HSPA6: variants seen among roughly 807,000 people sequenced by gnomAD.
The protein encoded by HSPA6 is heat shock protein family A (Hsp70) member 6, also known as heat shock 70 kDa protein 6.
For synonymous variants in HSPA6, 312 were observed against 368.2 expected, an observed-to-expected ratio of 0.85 and a Z score of 1.75; for missense variants, 718 against 860.9, an observed-to-expected ratio of 0.83 and a Z score of 2.08.
In HSPA6 at chr1:161,524,943, G is replaced by A. The variant is rs1292154351; in HGVS notation, c.285G>A (p.Arg95=). The A allele has an allele frequency of 1.2e-6, 2 of 1,613,586 alleles. No individual in the cohort carries two copies. The highest frequency in any genetic ancestry group is 3.3e-5 in the Admixed American group (2 of 59,994). ...VQSDMKHWPF[R]VVSEGGKPKV... ...CGGACATGAAGCACTGGCCCTTCCGGGTGGTGAGCGAGGGCGGCAAGCCCA... is the reference window on the plus strand; with the variant it reads ...CGGACATGAAGCACTGGCCCTTCCGAGTGGTGAGCGAGGGCGGCAAGCCCA... The change falls in exon 1 of 1, where the codon CGG becomes CGA. Residue 95 remains arginine, a synonymous_variant. Coordinates refer to ENST00000309758, the MANE Select transcript of HSPA6 (RefSeq NM_002155.5).
Position 161,524,768 on chromosome 1 carries a change from A to G in HSPA6, c.110A>G (p.Asn37Ser), listed in dbSNP as rs766366684. The G allele has an allele frequency of 3.2e-6, 5 of 1,552,128 alleles. No homozygotes were observed. The Admixed American group carries it at 5.6e-5, about 17-fold the overall frequency. The part of the protein sequence containing the change: ...RVEILANDQG[N>S]RTTPSYVAFT... The stretch of plus-strand genomic sequence containing the variant: ...GAGATCCTGGCCAACGACCAGGGCA[A>G]CCGCACCACGCCCAGCTACGTGGCC... The change falls in exon 1 of 1, where the codon AAC becomes AGC. Residue 37 changes from asparagine (N) to serine (S), a missense_variant. Physicochemically the swap from Asn to Ser is conservative, Grantham distance 46 (BLOSUM62 1). Coordinates refer to ENST00000309758, the MANE Select transcript of HSPA6 (RefSeq NM_002155.5).
Position 161,524,716 on chromosome 1 carries a change from G to C in HSPA6, c.58G>C (p.Val20Leu), listed in dbSNP as rs1462482521. ...GIDLGTTYSCVGVFQQGRVEI... is the reference protein window; with the variant it reads ...GIDLGTTYSCLGVFQQGRVEI... The stretch of plus-strand genomic sequence containing the variant: ...CGACCTGGGCACCACCTACTCGTGC[G>C]TGGGCGTGTTTCAGCAGGGCCGCGT... Residue 20 changes from valine (V) to leucine (L), a missense_variant, in exon 1 of 1, where the codon GTG becomes CTG. Val to Leu is a conservative substitution (Grantham distance 32, BLOSUM62 1). Transcript: ENST00000309758. The C allele has an allele frequency of 7.0e-7, 1 of 1,433,598 alleles. No homozygotes were observed. The highest frequency in any genetic ancestry group is 9.5e-7 in the Non-Finnish European group (1 of 1,047,526). The allele number at this position is 1,433,598 out of a possible 1,614,324, so 88.8% of individuals were successfully genotyped here.
In HSPA6 at chr1:161,526,557, C is replaced by T. The variant is rs1336922401; in HGVS notation, c.1899C>T (p.Pro633=). Residue 633 remains proline (P), a synonymous_variant, in exon 1 of 1, where the codon CCC becomes CCT. Transcript: ENST00000309758. ...GCACTCAAGCCCGCCAGGGGGACCCCAGCACCGGCCCCATCATTGAGGAGG... is the reference window on the plus strand; with the variant it reads ...GCACTCAAGCCCGCCAGGGGGACCCTAGCACCGGCCCCATCATTGAGGAGG... The part of the protein sequence containing the change: ...SCGTQARQGD[P]STGPIIEEVD 1.3e-6 allele frequency: 2 copies of T among 1,564,160 alleles called. No homozygotes were observed. The highest frequency in any genetic ancestry group is 1.2e-5 in the South Asian group (1 of 84,004).
rs772062602 is a variant in HSPA6, at chr1:161,524,998, A to G, written c.340A>G (p.Lys114Glu). 2 of 1,613,218 alleles carry G rather than the reference A, an allele frequency of 1.2e-6. No individual in the cohort carries two copies. The highest frequency in any genetic ancestry group is 1.7e-6 in the Non-Finnish European group (2 of 1,179,834). ...GCGCGTATGCTACCGCGGGGAGGAC[A>G]AGACGTTCTACCCCGAGGAGATCTC... The part of the protein sequence containing the change: ...KVRVCYRGED[K>E]TFYPEEISSM... The change falls in exon 1 of 1, where the codon AAG (lysine) becomes GAG (glutamate). Residue 114 changes from lysine to glutamate, a missense_variant. Physicochemically the swap from Lys to Glu is moderately conservative, Grantham distance 56. Transcript: ENST00000309758.
chr1:161,525,320 T>C lies in HSPA6; in HGVS notation c.662T>C (p.Val221Ala). Residue 221 changes from valine (V) to alanine (A), a missense_variant, in exon 1 of 1, where the codon GTG becomes GCG. Coordinates refer to ENST00000309758, the MANE Select transcript of HSPA6 (RefSeq NM_002155.5). ...VLSIDAGVFEVKATAGDTHLG... is the reference protein window; with the variant it reads ...VLSIDAGVFEAKATAGDTHLG... ...TCCATTGACGCTGGTGTCTTTGAGG[T>C]GAAAGCCACTGCTGGAGATACCCAC... The C allele has an allele frequency of 6.2e-7, 1 of 1,613,884 alleles. No homozygotes were observed. The highest frequency in any genetic ancestry group is 8.5e-7 in the Non-Finnish European group (1 of 1,179,926).
rs1557844532 is a variant in HSPA6 at position 161,526,152 on chromosome 1, T to G, written c.1494T>G (p.Gly498=). 2.5e-6 allele frequency: 4 copies of G among 1,613,624 alleles called. No individual in the cohort carries two copies. Among genetic ancestry groups the G allele is most frequent in the Non-Finnish European group, 3.4e-6 (4 of 1,179,822 alleles). ...TGACAGCCACTGACAGGAGCACAGGTAAGGCTAACAAGATCACCATCACCA... is the reference window on the plus strand; with the variant it reads ...TGACAGCCACTGACAGGAGCACAGGGAAGGCTAACAAGATCACCATCACCA... ...LSVTATDRST[G]KANKITITND... Residue 498 remains glycine, a synonymous_variant, in exon 1 of 1, where the codon GGT becomes GGG. Coordinates refer to ENST00000309758, the MANE Select transcript of HSPA6 (RefSeq NM_002155.5).
rs764835459 is a variant in HSPA6 at position 161,524,962 on chromosome 1, A to T, written c.304A>T (p.Lys102Ter). The T allele has an allele frequency of 1.9e-6, 3 of 1,613,602 alleles. No individual in the cohort carries two copies. The Admixed American group carries it at 5.0e-5, about 27-fold the overall frequency. Residue 102 changes from lysine to a stop codon, truncating the protein, a stop_gained, in exon 1 of 1, where the codon AAG becomes TAG. Coordinates refer to ENST00000309758, the MANE Select transcript of HSPA6 (RefSeq NM_002155.5). LOFTEE classifies it low-confidence loss of function (END_TRUNC). ...CTTCCGGGTGGTGAGCGAGGGCGGC[A>T]AGCCCAAGGTGCGCGTATGCTACCG... Reference protein sequence around the residue: ...WPFRVVSEGGKPKVRVCYRGE... With the variant: ...WPFRVVSEGG
Position 161,525,613 on chromosome 1 carries a change from G to T in HSPA6, c.955G>T (p.Val319Leu). 1 of 1,613,782 alleles carries T rather than the reference G, an allele frequency of 6.2e-7. No individual in the cohort carries two copies. The highest frequency in any genetic ancestry group is 8.5e-7 in the Non-Finnish European group (1 of 1,179,842). ...CCTCTTCCGCAGCACCCTGGAGCCG[G>T]TGGAGAAGGCCCTGCGGGATGCCAA... ...SDLFRSTLEP[V>L]EKALRDAKLD... Residue 319 changes from valine (V) to leucine (L), a missense_variant, in exon 1 of 1, where the codon GTG becomes TTG. Val to Leu is a conservative substitution (Grantham distance 32). Coordinates refer to ENST00000309758, the MANE Select transcript of HSPA6 (RefSeq NM_002155.5).
chr1:161,526,078 C>T lies in HSPA6; in HGVS notation c.1420C>T (p.Pro474Ser). 6.2e-7 allele frequency: 1 copy of T among 1,613,804 alleles called. No individual in the cohort carries two copies. The highest frequency in any genetic ancestry group is 8.5e-7 in the Non-Finnish European group (1 of 1,179,874). The change falls in exon 1 of 1, where the codon CCC (proline) becomes TCC (serine). Residue 474 changes from proline to serine, a missense_variant. Pro to Ser is a moderately conservative substitution (Grantham distance 74, BLOSUM62 -1). Coordinates refer to ENST00000309758, the MANE Select transcript of HSPA6 (RefSeq NM_002155.5). ...CATCCCTCCTGCCCCACGTGGAGTC[C>T]CCCAGATAGAGGTGACTTTTGACAT... Reference protein sequence around the residue: ...SGIPPAPRGVPQIEVTFDIDA... With the variant: ...SGIPPAPRGVSQIEVTFDIDA...
chr1:161,525,402 G>A lies in HSPA6; in HGVS notation c.744G>A (p.Arg248=). Residue 248 remains arginine (R), a synonymous_variant, in exon 1 of 1, where the codon CGG becomes CGA. Coordinates refer to ENST00000309758, the MANE Select transcript of HSPA6 (RefSeq NM_002155.5). The part of the protein sequence containing the change: ...RLVNHFMEEF[R]RKHGKDLSGN... ...TGAACCACTTCATGGAAGAATTCCG[G>A]CGGAAGCATGGGAAGGACCTGAGCG... The A allele has an allele frequency of 1.9e-6, 3 of 1,610,584 alleles. No homozygotes were observed. The highest frequency in any genetic ancestry group is 2.5e-6 in the Non-Finnish European group (3 of 1,178,272).
At position 161,525,346 on chromosome 1, in the gene HSPA6, C is replaced by G. The variant is rs368300598; in HGVS notation, c.688C>G (p.Leu230Val). The change falls in exon 1 of 1, where the codon CTG becomes GTG. Residue 230 changes from leucine (L) to valine (V), a missense_variant. By Grantham distance (32) the Leu-to-Val change is conservative. Transcript: ENST00000309758. ...GAAAGCCACTGCTGGAGATACCCAC[C>G]TGGGAGGAGAGGACTTCGACAACCG... ...EVKATAGDTH[L>V]GGEDFDNRLV... The G allele has an allele frequency of 4.2e-5, 67 of 1,613,736 alleles. 2 individuals are homozygous for G. In the Middle Eastern group the frequency reaches 6.6e-4, roughly 16 times the overall value.
Position 161,525,912 on chromosome 1 carries a change from G to C in HSPA6, c.1254G>C (p.Arg418Ser). Residue 418 changes from arginine to serine, a missense_variant, in exon 1 of 1, where the codon AGG becomes AGC. Physicochemically the swap from Arg to Ser is moderately radical, Grantham distance 110. Coordinates refer to ENST00000309758, the MANE Select transcript of HSPA6 (RefSeq NM_002155.5). The part of the protein sequence containing the change: ...AGGVMTTLIQ[R>S]NATIPTKQTQ... ...GGGTGATGACCACGCTGATCCAGAG[G>C]AACGCCACTATCCCCACCAAGCAGA... The C allele has an allele frequency of 6.2e-7, 1 of 1,602,794 alleles. No homozygotes were observed. The highest frequency in any genetic ancestry group is 8.5e-7 in the Non-Finnish European group (1 of 1,173,274).
At position 161,524,920 on chromosome 1, in the gene HSPA6, G is replaced by T; in HGVS notation, c.262G>T (p.Asp88Tyr). The T allele has an allele frequency of 1.2e-6, 2 of 1,613,620 alleles. No homozygotes were observed. The highest frequency in any genetic ancestry group is 1.7e-6 in the Non-Finnish European group (2 of 1,179,916). Residue 88 changes from aspartate to tyrosine, a missense_variant, in exon 1 of 1, where the codon GAC becomes TAC. Coordinates refer to ENST00000309758, the MANE Select transcript of HSPA6 (RefSeq NM_002155.5). The stretch of plus-strand genomic sequence containing the variant: ...GTTCGCGGACACCACGGTGCAGTCG[G>T]ACATGAAGCACTGGCCCTTCCGGGT... ...RKFADTTVQS[D>Y]MKHWPFRVVS...
At position 161,525,741 on chromosome 1, in the gene HSPA6, G is replaced by A. The variant is rs746752089; in HGVS notation, c.1083G>A (p.Leu361=). 42 of 1,608,958 alleles carry A rather than the reference G, an allele frequency of 2.6e-5. 1 individual carries two copies. The highest frequency in any genetic ancestry group is 3.3e-5 in the Non-Finnish European group (39 of 1,177,466). ...AGGACTTCTTCAACGGCAAGGAGCT[G>A]AACAAGAGCATCAACCCTGATGAGG... ...LLQDFFNGKE[L]NKSINPDEAV... Residue 361 remains leucine, a synonymous_variant, in exon 1 of 1, where the codon CTG becomes CTA. Coordinates refer to ENST00000309758, the MANE Select transcript of HSPA6 (RefSeq NM_002155.5).
Position 161,526,212 on chromosome 1 carries a change from G to A in HSPA6, c.1554G>A (p.Glu518=). The A allele has an allele frequency of 6.2e-7, 1 of 1,613,968 alleles. No homozygotes were observed. The highest frequency in any genetic ancestry group is 8.5e-7 in the Non-Finnish European group (1 of 1,179,940). Residue 518 remains glutamate (E), a synonymous_variant, in exon 1 of 1, where the codon GAG becomes GAA. Coordinates refer to ENST00000309758, the MANE Select transcript of HSPA6 (RefSeq NM_002155.5). ...GCCGGCTGAGCAAGGAGGAGGTGGAGAGGATGGTTCATGAAGCCGAGCAGT... is the reference window on the plus strand; with the variant it reads ...GCCGGCTGAGCAAGGAGGAGGTGGAAAGGATGGTTCATGAAGCCGAGCAGT... ...DKGRLSKEEV[E]RMVHEAEQYK...
chr1:161,526,080 C>T lies in HSPA6; in HGVS notation c.1422C>T (p.Pro474=), dbSNP rs760627870. The T allele has an allele frequency of 1.9e-6, 3 of 1,613,698 alleles. No individual in the cohort carries two copies. The highest frequency in any genetic ancestry group is 1.6e-4 in the Middle Eastern group (1 of 6,084). Residue 474 remains proline, a synonymous_variant, in exon 1 of 1, where the codon CCC becomes CCT. Transcript: ENST00000309758. ...TCCCTCCTGCCCCACGTGGAGTCCC[C>T]CAGATAGAGGTGACTTTTGACATTG... The part of the protein sequence containing the change: ...SGIPPAPRGV[P]QIEVTFDIDA...
rs1274839797 is a variant in HSPA6, at chr1:161,526,137, T to C, written c.1479T>C (p.Thr493=). The C allele has an allele frequency of 3.1e-6, 5 of 1,613,582 alleles. No homozygotes were observed. Among genetic ancestry groups the C allele is most frequent in the Non-Finnish European group, 4.2e-6 (5 of 1,179,820 alleles). Residue 493 remains threonine, a synonymous_variant, in exon 1 of 1, where the codon ACT becomes ACC. Transcript: ENST00000309758. The part of the protein sequence containing the change: ...DANGILSVTA[T]DRSTGKANKI... Reference sequence around the variant, plus strand: ...ATGGCATCCTGAGCGTGACAGCCACTGACAGGAGCACAGGTAAGGCTAACA... The same window carrying C: ...ATGGCATCCTGAGCGTGACAGCCACCGACAGGAGCACAGGTAAGGCTAACA...
chr1:161,526,295 C>T lies in HSPA6; in HGVS notation c.1637C>T (p.Ala546Val), dbSNP rs1249727214. ...GTGGCTGCCAAAAACTCGCTGGAGG[C>T]CCATGTCTTCCATGTGAAAGGTTCT... is the stretch of plus-strand genomic sequence containing the variant. ...DRVAAKNSLE[A>V]HVFHVKGSLQ... The change falls in exon 1 of 1, where the codon GCC becomes GTC. Residue 546 changes from alanine to valine, a missense_variant. Coordinates refer to ENST00000309758, the MANE Select transcript of HSPA6 (RefSeq NM_002155.5). 3.7e-6 allele frequency: 6 copies of T among 1,609,824 alleles called. No individual in the cohort carries two copies. The highest frequency in any genetic ancestry group is 5.1e-6 in the Non-Finnish European group (6 of 1,177,700).
Position 161,526,582 on chromosome 1 carries a change from GTTGATTGAATGGCCC to G in HSPA6, c.1927_*9del, listed in dbSNP as rs1676709465. ...CAGCACCGGCCCCATCATTGAGGAG[GTTGATTGAATGGCCC>G]TTCGTGATAAGTCAGCTGTGACTGT... On this transcript the variant is annotated stop_lost and 3_prime_UTR_variant, in exon 1 of 1. Transcript: ENST00000309758. 6.5e-7 allele frequency: 1 copy of G among 1,531,452 alleles called. No individual in the cohort carries two copies. Among genetic ancestry groups the G allele is most frequent in the African/African-American group, 1.4e-5 (1 of 72,278 alleles). The allele number at this position is 1,531,452 out of a possible 1,614,324, so 94.9% of individuals were successfully genotyped here. A position where few individuals can be genotyped will look rare whatever the true frequency, so the allele number is the denominator to read the frequency against.
Sources: allele counts gnomAD v4.1 joint callset, GRCh38; gene constraint gnomAD v4.1.1; transcripts MANE v1.5; gene names NCBI Gene and HGNC (gene_info 2026-07-23, HGNC 2026-07-21).